Variants in KLRD1 observed in about 807,000 individuals in gnomAD.
The protein encoded by KLRD1 is killer cell lectin like receptor D1.
In KLRD1, 21 loss-of-function variants were observed where a neutral mutation model predicts 22.6. The observed-to-expected ratio is 0.93, with a 90% CI of 0.66 to 1.34. The LOEUF is 1.34. Among genes scored for constraint, KLRD1 ranks in the 40% most tolerant of loss-of-function variants. The pLI is 0.00. For synonymous variants in KLRD1, 59 were observed against 71.1 expected, an observed-to-expected ratio of 0.83 and a Z score of 0.85; for missense variants, 183 against 208.6, an observed-to-expected ratio of 0.88 and a Z score of 0.76.
At chr12:10,257,325 C>CT (rs1258486666) in intron 1 of KLRD1, among the ~76,000 whole-genome samples, 2 of 150,438 alleles carry the variant, frequency 1.3e-5, no homozygotes, top group Non-Finnish European at 3.0e-5. Flanking sequence ...AATACTCTTT[C>CT]TTTTCCTATT....
rs1950263275 is a variant in KLRD1, at chr12:10,317,786, A to G, written c.*2993A>G. 1 of 152,234 alleles carries G rather than the reference A, an allele frequency of 6.6e-6. No individual in the cohort carries two copies. The highest frequency in any genetic ancestry group is 1.5e-5 in the Non-Finnish European group (1 of 68,042). The allele number at this position is 152,234 out of a possible 1,614,324, so 9.4% of individuals were successfully genotyped here. On this transcript the variant is annotated 3_prime_UTR_variant, in exon 6 of 6. Transcript: ENST00000336164. Reference sequence around the variant, plus strand: ...CCCAAGACTGGGAAATTTATAAAATAAAGACATTTAATTGACTCACAGTTC... The same window carrying G: ...CCCAAGACTGGGAAATTTATAAAATGAAGACATTTAATTGACTCACAGTTC...
intron 5 of KLRD1, among the ~76,000 whole-genome samples, chr12:10,313,878 A>G (rs1950158578): frequency 6.6e-6 from 1 of 152,174 alleles, no homozygotes. Context: ...AAATCTCCAG[A>G]AAGTGCAATG....
chr12:10,293,182 A>ATATATATATATATATATATATATATAT (rs1290502685), intron 1 of KLRD1, among the ~76,000 whole-genome samples: 2 of 135,764 alleles, frequency 1.5e-5, no homozygotes, highest in Non-Finnish European at 1.6e-5. Context: ...ATATACACAT[A>ATATATATATATATATATATATATATAT]ATTCGCATGC....
intron 1 of KLRD1, among the ~76,000 whole-genome samples, chr12:10,293,258 G>T (rs925181062): frequency 6.9e-6 from 1 of 145,128 alleles, no homozygotes; most frequent in Non-Finnish European, 1.5e-5. Flanking sequence ...TTGGCTAAAT[G>T]TTTGACTCAA....
chr12:10,268,955 G>A (rs1949525106), intron 1 of KLRD1, among the ~76,000 whole-genome samples: 1 of 151,992 alleles, frequency 6.6e-6, no homozygotes. Context: ...TTTTATGTAG[G>A]ACTTTTGTTT....
intron 1 of KLRD1, among the ~76,000 whole-genome samples, chr12:10,269,053 A>G (rs1305670122): frequency 6.6e-6 from 1 of 152,102 alleles, no homozygotes; most frequent in Admixed American, 6.6e-5. Flanking sequence ...TACTGATTTT[A>G]GGTGGGGTGG....
chr12:10,312,350 C>A (rs1364759458), intron 4 of KLRD1, among the ~76,000 whole-genome samples: 1 of 145,820 alleles, frequency 6.9e-6, no homozygotes, highest in Non-Finnish European at 1.5e-5. Context: ...CCGTGCCTGG[C>A]CCTAATTACC....
At chr12:10,308,171 A>G (rs557248471) in intron 1 of KLRD1, 87 bp downstream of exon 1, 1 of 1,130,092 alleles carries the variant, frequency 8.8e-7, no homozygotes, top group Non-Finnish European at 1.3e-6. Context: ...CTTTAAGAGA[A>G]AAGGACATGA....
chr12:10,256,843 A>G (rs1949401085), intron 1 of KLRD1, among the ~76,000 whole-genome samples: 1 of 151,842 alleles, frequency 6.6e-6, no homozygotes, highest in African/African-American at 2.4e-5. Context: ...GCATCCTTCC[A>G]TTTTACTCTA....
intron 1 of KLRD1, among the ~76,000 whole-genome samples, chr12:10,267,314 A>G (rs1949509841): frequency 6.6e-6 from 1 of 152,108 alleles, no homozygotes; most frequent in Non-Finnish European, 1.5e-5. Flanking sequence ...TATATATTCA[A>G]TTTATAATGT....
intron 4 of KLRD1, among the ~76,000 whole-genome samples, chr12:10,313,008 G>T (rs1210900346): frequency 1.3e-5 from 2 of 151,552 alleles, no homozygotes; most frequent in Non-Finnish European, 2.9e-5. Context: ...AAAAGAAAAA[G>T]CGAAAAACTT....
intron 1 of KLRD1, among the ~76,000 whole-genome samples, chr12:10,260,690 G>A (rs994491521): frequency 9.3e-5 from 14 of 151,316 alleles, no homozygotes; most frequent in African/African-American, 2.4e-4. Context: ...CCTGTAATCC[G>A]AGCACTTTGG....
intron 1 of KLRD1, among the ~76,000 whole-genome samples, chr12:10,258,152 T>G (rs1254283885): frequency 6.6e-6 from 1 of 152,180 alleles, no homozygotes; most frequent in Non-Finnish European, 1.5e-5. Flanking sequence ...CAGTTTTTCC[T>G]TACTTACCCC....
intron 1 of KLRD1, among the ~76,000 whole-genome samples, chr12:10,267,564 A>G (rs553964791): frequency 1.3e-5 from 2 of 152,338 alleles, no homozygotes; most frequent in African/African-American, 4.8e-5. Context: ...CACAGAAATA[A>G]TTATACACAT....
chr12:10,305,349 CT>C (rs1949906459), upstream of KLRD1, among the ~76,000 whole-genome samples: 1 of 152,130 alleles, frequency 6.6e-6, no homozygotes, highest in South Asian at 2.1e-4. Flanking sequence ...GGAATTTAGT[CT>C]GGTTTCTCTC....
rs761150129 is a variant in KLRD1 at position 10,329,102 on chromosome 12, G to A, written c.*14309G>A. On this transcript the variant is annotated 3_prime_UTR_variant, in exon 6 of 6. Transcript: ENST00000336164. Reference sequence around the variant, plus strand: ...CAGCCAAACCATATCAAGGTATAAAGTGCATTGTTTGAGACCTTTCTTTTT... The same window carrying A: ...CAGCCAAACCATATCAAGGTATAAAATGCATTGTTTGAGACCTTTCTTTTT... The A allele has an allele frequency of 6.6e-6, 1 of 152,274 alleles. No individual in the cohort carries two copies. Among genetic ancestry groups the A allele is most frequent in the Admixed American group, 6.5e-5 (1 of 15,296 alleles). The allele number at this position is 152,274 out of a possible 1,614,324, so 9.4% of individuals were successfully genotyped here.
At chr12:10,245,717 T>C (rs533043285) in intron 1 of KLRD1, among the ~76,000 whole-genome samples, 11 of 152,334 alleles carry the variant, frequency 7.2e-5, no homozygotes, top group African/African-American at 2.4e-4. Context: ...CCAACTTCCA[T>C]GACAGTCAAA....
intron 1 of KLRD1, among the ~76,000 whole-genome samples, chr12:10,274,081 G>A (rs1388641781): frequency 3.3e-5 from 5 of 151,384 alleles, no homozygotes; most frequent in African/African-American, 9.7e-5. Flanking sequence ...TCAGGAGTTC[G>A]AGACCAGCCT....
rs1248052680 is a variant in KLRD1, at chr12:10,326,163, T to G, written c.*11370T>G. ...ATTTTTTAATTGGGTTACTTGTGTT[T>G]TTTTTAATATTGAGTTGTAGGAGTT... On this transcript the variant is annotated 3_prime_UTR_variant, in exon 6 of 6. Transcript: ENST00000336164. 6.6e-6 allele frequency: 1 copy of G among 152,196 alleles called. No individual in the cohort carries two copies. Among genetic ancestry groups the G allele is most frequent in the Non-Finnish European group, 1.5e-5 (1 of 68,030 alleles). The allele number at this position is 152,196 out of a possible 1,614,324, so 9.4% of individuals were successfully genotyped here. A position where few individuals can be genotyped will look rare whatever the true frequency, so the allele number is the denominator to read the frequency against.
Sources: allele counts gnomAD v4.1 joint callset (sites outside exome capture counted in the v4.1 genomes callset), GRCh38; gene constraint gnomAD v4.1.1; transcripts MANE v1.5; gene names NCBI Gene and HGNC (gene_info 2026-07-23, HGNC 2026-07-21).